The following C1orf21 variants were observed in gnomAD, a reference collection of about 807,000 sequenced individuals.
C1orf21 encodes the protein uncharacterized protein C1orf21.
C1orf21 carries 3 observed loss-of-function variants against 18.7 expected under a neutral mutation model. The ratio of observed to expected loss-of-function variants is 0.16; its 90% CI spans 0.07 to 0.42. The LOEUF is 0.42. Among genes scored for constraint, C1orf21 ranks in the 10% least tolerant of loss-of-function variants. The pLI, the probability that C1orf21 is intolerant of heterozygous loss-of-function variation, is 0.99. For missense variants in C1orf21, 104 were observed against 143.6 expected, an observed-to-expected ratio of 0.72 and a Z score of 1.41; for synonymous variants, 41 against 46.4, an observed-to-expected ratio of 0.88 and a Z score of 0.47.
rs368219226 is a variant in C1orf21 at position 184,411,237 on chromosome 1, T to C, written c.-125+23869T>C. Among the ~76,000 whole-genome samples, 4 of 152,102 alleles carry C rather than the reference T, an allele frequency of 2.6e-5. No individual in the cohort carries two copies. The East Asian group carries it at 5.8e-4, about 22-fold the overall frequency. ...TCTAGAGGGCTCTTCTGCAAGCCCA[T>C]TGGGGGACATTATTCCCTTATTAAT... On this transcript the variant is annotated intron_variant, in intron 1 of 5. Coordinates refer to ENST00000235307, the MANE Select transcript of C1orf21 (RefSeq NM_030806.4).
intron 1 of C1orf21, among the ~76,000 whole-genome samples, chr1:184,466,170 C>G (rs749209075): frequency 6.6e-6 from 1 of 152,134 alleles, no homozygotes; most frequent in Non-Finnish European, 1.5e-5. Flanking sequence ...TAGCTCATAT[C>G]GTGTAACCGT....
intron 3 of C1orf21, among the ~76,000 whole-genome samples, chr1:184,512,586 T>G (rs1658166456): frequency 6.6e-6 from 1 of 152,238 alleles, no homozygotes; most frequent in South Asian, 2.1e-4. Flanking sequence ...TCTCTCAGAC[T>G]TTAATTCCAT....
intron 1 of C1orf21, among the ~76,000 whole-genome samples, chr1:184,462,943 G>A (rs1025467463): frequency 1.6e-4 from 25 of 151,988 alleles, no homozygotes; most frequent in Non-Finnish European, 2.9e-4. Flanking sequence ...GTAGCTCAGC[G>A]TGGTGGCAGG....
At position 184,568,428 on chromosome 1, in the gene C1orf21, C is replaced by T. The variant is rs370637079; in HGVS notation, c.190-22311C>T. On this transcript the variant is annotated intron_variant, in intron 3 of 5. Coordinates refer to ENST00000235307, the MANE Select transcript of C1orf21 (RefSeq NM_030806.4). The stretch of plus-strand genomic sequence containing the variant: ...GCAACCACCATTCTACTTTCTGTCT[C>T]CATGAATTTGACTACTCCAGGCTGC... 341 of 470,552 alleles carry T rather than the reference C, an allele frequency of 7.2e-4. 1 individual carries two copies. The highest frequency in any genetic ancestry group is 6.6e-3 in the African/African-American group (330 of 50,162). The allele number at this position is 470,552 out of a possible 1,614,324, so 29.1% of individuals were successfully genotyped here.
At chr1:184,510,967 G>T (rs1226698631) in intron 3 of C1orf21, among the ~76,000 whole-genome samples, 1 of 152,184 alleles carries the variant, frequency 6.6e-6, no homozygotes, top group Non-Finnish European at 1.5e-5. Context: ...GGTTGCAGAA[G>T]TAGAAGCACA....
At chr1:184,461,431 C>T (rs1200383920) in intron 1 of C1orf21, among the ~76,000 whole-genome samples, 1 of 152,156 alleles carries the variant, frequency 6.6e-6, no homozygotes, top group Non-Finnish European at 1.5e-5. Flanking sequence ...TAAATCTGCT[C>T]CTGATCATTG....
chr1:184,413,502 T>C (rs1656393621), intron 1 of C1orf21, among the ~76,000 whole-genome samples: 1 of 152,210 alleles, frequency 6.6e-6, no homozygotes, highest in South Asian at 2.1e-4. Flanking sequence ...TTGAAATCTG[T>C]AAAATATTTC....
intron 1 of C1orf21, among the ~76,000 whole-genome samples, chr1:184,438,661 A>C (rs537379724): frequency 6.6e-6 from 1 of 152,180 alleles, no homozygotes; most frequent in Non-Finnish European, 1.5e-5. Context: ...ATCCATCGGC[A>C]GGTAGCTCTG....
At chr1:184,414,894 TG>T (rs1298323967) in intron 1 of C1orf21, among the ~76,000 whole-genome samples, 1 of 152,308 alleles carries the variant, frequency 6.6e-6, no homozygotes, top group East Asian at 1.9e-4. Flanking sequence ...TTCTTACTTT[TG>T]TGTGGGGGGA....
intron 3 of C1orf21, among the ~76,000 whole-genome samples, chr1:184,565,067 A>G (rs12141478): frequency 0.12 from 18,060 of 152,228 alleles, 1,436 homozygotes; most frequent in Middle Eastern, 0.19. Context: ...AGACTAGACT[A>G]CCCTTAAAAG....
chr1:184,503,077 C>CAAA (rs199599189), intron 2 of C1orf21, among the ~76,000 whole-genome samples: 88 of 61,428 alleles, frequency 1.4e-3, no homozygotes, highest in African/African-American at 2.9e-3. Context: ...GAAACTGTCT[C>CAAA]AAAAAAAAAA....
intron 1 of C1orf21, among the ~76,000 whole-genome samples, chr1:184,471,395 T>C (rs907291313): frequency 2.0e-5 from 3 of 152,196 alleles, no homozygotes; most frequent in African/African-American, 7.2e-5. Context: ...TATGTCCTAG[T>C]TGAGTTAGTA....
intron 3 of C1orf21, among the ~76,000 whole-genome samples, chr1:184,533,794 C>G (rs76020779): frequency 6.6e-6 from 1 of 152,110 alleles, no homozygotes; most frequent in Non-Finnish European, 1.5e-5. Context: ...AGGCCCTGGC[C>G]GGGGCTGGGG....
chr1:184,497,803 A>G (rs994844428), intron 2 of C1orf21, among the ~76,000 whole-genome samples: 1 of 152,196 alleles, frequency 6.6e-6, no homozygotes, highest in Non-Finnish European at 1.5e-5. Context: ...GCTTCAGCCC[A>G]GAGACATACG....
At chr1:184,619,460 T>G (rs968959176) in intron 5 of C1orf21, 58 bp from the exon 6 acceptor site, 2 of 1,565,750 alleles carry the variant, frequency 1.3e-6, no homozygotes, top group Non-Finnish European at 1.8e-6. Context: ...CAAGTAACTA[T>G]TTCAGGCTCT....
At chr1:184,418,225 C>CT (rs34186357) in intron 1 of C1orf21, among the ~76,000 whole-genome samples, 56,150 of 151,072 alleles carry the variant, frequency 0.37, 14,449 homozygotes, top group African/African-American at 0.75. Flanking sequence ...CATAACTTCT[C>CT]TTTATTTTTT....
At chr1:184,526,866 T>C (rs898476579) in intron 3 of C1orf21, among the ~76,000 whole-genome samples, 3 of 152,202 alleles carry the variant, frequency 2.0e-5, no homozygotes, top group African/African-American at 7.2e-5. Context: ...TGCCAGCTAC[T>C]GTCCTTGGTT....
chr1:184,624,753 T>C lies in C1orf21; in HGVS notation c.*5197T>C, dbSNP rs1659978765. Reference sequence around the variant, plus strand: ...ATGTTTTAGATAGTCATGTAATGACTTGGATAGACATTTAAATAACTTGTT... The same window carrying C: ...ATGTTTTAGATAGTCATGTAATGACCTGGATAGACATTTAAATAACTTGTT... On this transcript the variant is annotated 3_prime_UTR_variant, in exon 6 of 6. Coordinates refer to ENST00000235307, the MANE Select transcript of C1orf21 (RefSeq NM_030806.4). 1 of 152,226 alleles carries C rather than the reference T, an allele frequency of 6.6e-6. No homozygotes were observed. Among genetic ancestry groups the C allele is most frequent in the Admixed American group, 6.5e-5 (1 of 15,284 alleles). 9.4% of individuals were successfully genotyped at this position (152,226 alleles called of 1,614,324 possible).
intron 3 of C1orf21, among the ~76,000 whole-genome samples, chr1:184,575,743 A>T (rs1659177235): frequency 6.6e-6 from 1 of 152,104 alleles, no homozygotes. Context: ...GATGAATTAG[A>T]GAGGTTTTAG....
Sources: gnomAD v4.1 joint callset for allele counts (sites outside exome capture counted in the v4.1 genomes callset) on GRCh38, gnomAD v4.1.1 for gene constraint, MANE v1.5 for transcripts, NCBI Gene and HGNC (gene_info 2026-07-23, HGNC 2026-07-21) for gene names.